The following TMPRSS11E variants were observed in gnomAD, a reference collection of about 807,000 sequenced individuals.
The protein encoded by TMPRSS11E is transmembrane protease serine 11E.
A neutral mutation model predicts 48.1 loss-of-function variants in TMPRSS11E; 38 were observed. The ratio of observed to expected loss-of-function variants is 0.79; its 90% CI spans 0.61 to 1.04. The LOEUF is 1.04. TMPRSS11E is among the 50% of genes least tolerant of loss of function. The pLI is 0.00. For synonymous variants in TMPRSS11E, 158 were observed against 171.9 expected (o/e 0.92, Z 0.63); for missense variants, 530 against 510.8 (o/e 1.04, Z -0.36).
intron 1 of TMPRSS11E, among the ~76,000 whole-genome samples, chr4:68,460,295 C>G (rs1578133655): frequency 6.6e-6 from 1 of 152,182 alleles, no homozygotes; most frequent in East Asian, 1.9e-4. Flanking sequence ...AATATTATCA[C>G]TTCCTGATCC....
intron 9 of TMPRSS11E, among the ~76,000 whole-genome samples, chr4:68,486,583 A>C (rs1324770712): frequency 6.6e-6 from 1 of 152,212 alleles, no homozygotes; most frequent in Non-Finnish European, 1.5e-5. Context: ...TGTGCCATAC[A>C]TATGCAGATG....
chr4:68,462,426 A>G (rs1373093034), intron 2 of TMPRSS11E, among the ~76,000 whole-genome samples: 1 of 151,522 alleles, frequency 6.6e-6, no homozygotes, highest in African/African-American at 2.4e-5. Flanking sequence ...AAAAAAAAAA[A>G]AAAAAAAATA....
rs191467808 is a variant in TMPRSS11E at position 68,447,533 on chromosome 4, T to G, written c.11+10T>G. The G allele has an allele frequency of 6.2e-7, 1 of 1,607,228 alleles. No individual in the cohort carries two copies. The highest frequency in any genetic ancestry group is 2.3e-5 in the East Asian group (1 of 44,444). On this transcript the variant is annotated intron_variant, in intron 1 of 9. Coordinates refer to ENST00000305363, the MANE Select transcript of TMPRSS11E (RefSeq NM_014058.4). ...TGGCAATGATGTATCGGTGAGTTAG[T>G]TCCCTTTTTCTTTCTAGAAGTCTTA...
intron 1 of TMPRSS11E, among the ~76,000 whole-genome samples, chr4:68,450,965 G>T (rs1450170236): frequency 6.6e-6 from 1 of 151,882 alleles, no homozygotes; most frequent in Non-Finnish European, 1.5e-5. Context: ...ATTGTTGTCT[G>T]CTTTCCTCCA....
chr4:68,487,878 T>G (rs1374278683), intron 9 of TMPRSS11E, among the ~76,000 whole-genome samples: 1 of 146,716 alleles, frequency 6.8e-6, no homozygotes, highest in Non-Finnish European at 1.5e-5. Flanking sequence ...GAGGCAGAGG[T>G]TACAGTGAGC....
intron 9 of TMPRSS11E, among the ~76,000 whole-genome samples, chr4:68,491,104 T>C (rs1175875441): frequency 6.6e-6 from 1 of 151,894 alleles, no homozygotes; most frequent in Non-Finnish European, 1.5e-5. Flanking sequence ...AATTGGGCCT[T>C]CTTACAGCCT....
intron 1 of TMPRSS11E, among the ~76,000 whole-genome samples, chr4:68,450,818 C>T (rs1435852528): frequency 1.3e-5 from 2 of 151,888 alleles, no homozygotes; most frequent in East Asian, 3.9e-4. Context: ...AGCACTTTAA[C>T]TACATCATCT....
In TMPRSS11E at chr4:68,477,475, C is replaced by G; in HGVS notation, c.814C>G (p.Pro272Ala). The G allele has an allele frequency of 6.2e-7, 1 of 1,613,906 alleles. No homozygotes were observed. The highest frequency in any genetic ancestry group is 8.5e-7 in the Non-Finnish European group (1 of 1,179,946). The change falls in exon 8 of 10, where the codon CCA becomes GCA. Residue 272 changes from proline to alanine, a missense_variant. Transcript: ENST00000305363. ...RIIVHEKYKHPSHDYDISLAE... is the reference protein window; with the variant it reads ...RIIVHEKYKHASHDYDISLAE... ...AATTGTCCATGAAAAATACAAACACCCATCACATGACTATGATATTTCTCT... is the reference window on the plus strand; with the variant it reads ...AATTGTCCATGAAAAATACAAACACGCATCACATGACTATGATATTTCTCT...
At chr4:68,455,539 T>C (rs1560546367) in intron 1 of TMPRSS11E, among the ~76,000 whole-genome samples, 1 of 151,916 alleles carries the variant, frequency 6.6e-6, no homozygotes, top group Admixed American at 6.6e-5. Flanking sequence ...GCAAACTTTC[T>C]TGGAGTCATC....
rs548343753 is a variant in TMPRSS11E, at chr4:68,466,849, C to T, written c.258+97C>T. On this transcript the variant is annotated intron_variant, in intron 3 of 9. Transcript: ENST00000305363. ...TAAAAGATCCATTCAACTAACGGATCCCTGTGTATTTGCAAAATGAAAAGA... is the reference window on the plus strand; with the variant it reads ...TAAAAGATCCATTCAACTAACGGATTCCTGTGTATTTGCAAAATGAAAAGA... 4.3e-5 allele frequency: 64 copies of T among 1,498,144 alleles called. No homozygotes were observed. In the African/African-American group the frequency reaches 7.0e-4, roughly 16 times the overall value. The allele number at this position is 1,498,144 out of a possible 1,614,324, so 92.8% of individuals were successfully genotyped here.
Position 68,461,890 on chromosome 4 carries a change from A to ATCCC in TMPRSS11E, c.83_86dup (p.Ile30ProfsTer18). 6.2e-7 allele frequency: 1 copy of ATCCC among 1,614,198 alleles called. No homozygotes were observed. Among genetic ancestry groups the ATCCC allele is most frequent in the Non-Finnish European group, 8.5e-7 (1 of 1,180,016 alleles). On this transcript the variant is annotated frameshift_variant, in exon 2 of 10. Coordinates refer to ENST00000305363, the MANE Select transcript of TMPRSS11E (RefSeq NM_014058.4). LOFTEE classifies it high-confidence loss of function. ...GGGTTATCGGCCTCGTCATCTTCAT[A>ATCCC]TCCCTGATTGTCCTGGCAGTGTGCA...
intron 3 of TMPRSS11E, 48 bp from the exon 4 acceptor site, chr4:68,468,831 T>C (rs1310172293): frequency 1.5e-6 from 2 of 1,329,594 alleles, no homozygotes; most frequent in Non-Finnish European, 2.2e-6. Flanking sequence ...TTTGTGGAAT[T>C]TCAGAAAGTT....
intron 1 of TMPRSS11E, among the ~76,000 whole-genome samples, chr4:68,453,482 A>G (rs1728550782): frequency 6.6e-6 from 1 of 151,942 alleles, no homozygotes; most frequent in South Asian, 2.1e-4. Context: ...CTTGACTAGA[A>G]CCTTGGTCTT....
intron 4 of TMPRSS11E, among the ~76,000 whole-genome samples, chr4:68,470,610 TA>T (rs1729039596): frequency 6.6e-6 from 1 of 151,908 alleles, no homozygotes; most frequent in African/African-American, 2.4e-5. Flanking sequence ...TTATAATAGA[TA>T]ACACTGCCAT....
intron 9 of TMPRSS11E, 61 bp from the exon 10 acceptor site, chr4:68,496,582 A>C: frequency 6.7e-7 from 1 of 1,486,808 alleles, no homozygotes; most frequent in Non-Finnish European, 9.1e-7. Context: ...AGTTAGAAAA[A>C]TAGCCAATTC....
Position 68,493,858 on chromosome 4 carries a change from T to A in TMPRSS11E, c.1111-2785T>A, listed in dbSNP as rs149107002. On this transcript the variant is annotated intron_variant, in intron 9 of 9. Transcript: ENST00000305363. ...TTGCCTTGCTCTTTATATTTTAATATCACAAAAACCACTAATAACCTCATA... is the reference window on the plus strand; with the variant it reads ...TTGCCTTGCTCTTTATATTTTAATAACACAAAAACCACTAATAACCTCATA... Among the ~76,000 whole-genome samples the A allele has an allele frequency of 6.4e-3, 968 of 152,278 alleles. 6 individuals carry two copies. The highest frequency in any genetic ancestry group is 0.022 in the African/African-American group (930 of 41,546).
intron 5 of TMPRSS11E, among the ~76,000 whole-genome samples, chr4:68,472,689 T>C (rs1729107856): frequency 6.6e-6 from 1 of 152,040 alleles, no homozygotes; most frequent in Non-Finnish European, 1.5e-5. Flanking sequence ...ACCCACTTGC[T>C]TAGGAAGGAG....
intron 1 of TMPRSS11E, among the ~76,000 whole-genome samples, chr4:68,457,962 T>C (rs1428187825): frequency 6.6e-6 from 1 of 152,024 alleles, no homozygotes; most frequent in Non-Finnish European, 1.5e-5. Flanking sequence ...GGGATAGTAT[T>C]AGGAGAAATA....
chr4:68,456,067 G>A lies in TMPRSS11E; in HGVS notation c.12-5754G>A, dbSNP rs181462146. On this transcript the variant is annotated intron_variant, in intron 1 of 9. Transcript: ENST00000305363. ...ACCTGTGCTGTACCATATTTAGTTG[G>A]GAACTTAATAAAACCTTGATGATAA... is the stretch of plus-strand genomic sequence containing the variant. Among the ~76,000 whole-genome samples, 618 of 151,894 alleles carry A rather than the reference G, an allele frequency of 4.1e-3. 4 individuals carry two copies. The Middle Eastern group carries it at 0.044, about 11-fold the overall frequency.
Sources: gnomAD v4.1 joint callset for allele counts (sites outside exome capture counted in the v4.1 genomes callset) on GRCh38, gnomAD v4.1.1 for gene constraint, MANE v1.5 for transcripts, NCBI Gene and HGNC (gene_info 2026-07-23, HGNC 2026-07-21) for gene names.